KIAA1328: variants seen among roughly 807,000 people sequenced by gnomAD.
KIAA1328 encodes the protein protein hinderin.
KIAA1328 carries 52 observed loss-of-function variants against 68.1 expected under a neutral mutation model. The observed-to-expected ratio is 0.76, with a 90% CI of 0.61 to 0.96. The LOEUF (loss-of-function observed/expected upper bound fraction) is 0.96. Ranked by LOEUF, KIAA1328 falls within the 40% of genes least tolerant of loss-of-function variation. The pLI, the probability that KIAA1328 is intolerant of heterozygous loss-of-function variation, is 0.00. For synonymous variants in KIAA1328, 232 were observed against 239.4 expected, an observed-to-expected ratio of 0.97 and a Z score of 0.28; for missense variants, 641 against 677.6, an observed-to-expected ratio of 0.95 and a Z score of 0.60.
intron 6 of KIAA1328, among the ~76,000 whole-genome samples, chr18:37,025,627 G>A (rs2151551649): frequency 6.6e-6 from 1 of 152,196 alleles, no homozygotes; most frequent in Non-Finnish European, 1.5e-5. Context: ...ATGACTACTG[G>A]GTACATAACG....
intron 7 of KIAA1328, among the ~76,000 whole-genome samples, chr18:37,070,800 ACTG>A (rs2056498800): frequency 6.6e-6 from 1 of 151,946 alleles, no homozygotes; most frequent in Non-Finnish European, 1.5e-5. Context: ...CTGGTCTCGA[ACTG>A]CTAACCTCAG....
chr18:36,854,260 C>T (rs781015614), intron 4 of KIAA1328, among the ~76,000 whole-genome samples: 1 of 152,192 alleles, frequency 6.6e-6, no homozygotes, highest in Non-Finnish European at 1.5e-5. Flanking sequence ...TGATCTTGGA[C>T]TTCTAGCCTC....
intron 7 of KIAA1328, among the ~76,000 whole-genome samples, chr18:37,126,223 C>G (rs1159077224): frequency 6.6e-6 from 1 of 152,122 alleles, no homozygotes; most frequent in East Asian, 1.9e-4. Context: ...CCCAAAATAT[C>G]TCATATGTAT....
At chr18:36,902,329 C>G (rs2049067528) in intron 5 of KIAA1328, 1 of 151,978 alleles carries the variant, frequency 6.6e-6, no homozygotes, top group Admixed American at 6.6e-5. Flanking sequence ...CAAAAAATAC[C>G]ATTTACATTT....
Position 37,222,751 on chromosome 18 carries a change from C to G in KIAA1328, c.*524C>G. 1 of 994,252 alleles carries G rather than the reference C, an allele frequency of 1.0e-6. No individual in the cohort carries two copies. The highest frequency in any genetic ancestry group is 1.2e-6 in the Non-Finnish European group (1 of 835,726). The allele number at this position is 994,252 out of a possible 1,614,324, so 61.6% of individuals were successfully genotyped here. A position where few individuals can be genotyped will look rare whatever the true frequency, so the allele number is the denominator to read the frequency against. On this transcript the variant is annotated 3_prime_UTR_variant, in exon 10 of 10. Transcript: ENST00000280020. ...AATTCTGAAGTTGGAGTTGGTGCCC[C>G]TGCCATCACAAACAACACGAGAGCC...
intron 7 of KIAA1328, among the ~76,000 whole-genome samples, chr18:37,105,788 G>A (rs952236201): frequency 6.6e-6 from 1 of 151,020 alleles, no homozygotes; most frequent in Non-Finnish European, 1.5e-5. Flanking sequence ...TTGGTGGCAG[G>A]CACCTGTAAT....
chr18:37,044,671 C>A (rs541451561), intron 6 of KIAA1328, among the ~76,000 whole-genome samples: 1 of 151,826 alleles, frequency 6.6e-6, no homozygotes, highest in African/African-American at 2.4e-5. Flanking sequence ...ATGGTGGCAA[C>A]ACACCTGTAA....
chr18:36,838,921 G>A (rs1416223450), intron 3 of KIAA1328, among the ~76,000 whole-genome samples: 1 of 152,150 alleles, frequency 6.6e-6, no homozygotes, highest in Non-Finnish European at 1.5e-5. Flanking sequence ...TTTTAGTAGA[G>A]ATGGGGTTTC....
intron 7 of KIAA1328, among the ~76,000 whole-genome samples, chr18:37,071,454 A>T (rs750713179): frequency 5.5e-4 from 83 of 152,150 alleles, no homozygotes; most frequent in Non-Finnish European, 9.3e-4. Context: ...CCAACTGTGG[A>T]TTGAAAATAG....
downstream of KIAA1328, among the ~76,000 whole-genome samples, chr18:37,228,664 A>G (rs1423059444): frequency 1.3e-5 from 2 of 152,122 alleles, no homozygotes; most frequent in East Asian, 1.9e-4. Flanking sequence ...ACTAAAAAAT[A>G]TAAAAATCAG....
chr18:36,887,095 A>C lies in KIAA1328; in HGVS notation c.448+1423A>C, dbSNP rs557451351. ...TTTCTACATCTCTAGCATTTGGATA[A>C]TCATCTCCAACTTTCTCTTTTTTTT... is the stretch of plus-strand genomic sequence containing the variant. On this transcript the variant is annotated intron_variant, in intron 5 of 9. Coordinates refer to ENST00000280020, the MANE Select transcript of KIAA1328 (RefSeq NM_020776.3). Among the ~76,000 whole-genome samples the C allele has an allele frequency of 2.0e-5, 3 of 149,928 alleles. No homozygotes were observed. In the South Asian group the frequency reaches 6.3e-4, roughly 31 times the overall value.
Position 37,114,366 on chromosome 18 carries a change from C to T in KIAA1328, c.1233-45834C>T, listed in dbSNP as rs535284105. On this transcript the variant is annotated intron_variant, in intron 7 of 9. Coordinates refer to ENST00000280020, the MANE Select transcript of KIAA1328 (RefSeq NM_020776.3). The stretch of plus-strand genomic sequence containing the variant: ...CAGGATTAAGAAACTCATTCAAAAC[C>T]GCTCAACTACATGGAAACTGAACAA... Among the ~76,000 whole-genome samples the T allele has an allele frequency of 1.4e-4, 22 of 152,284 alleles. No individual in the cohort carries two copies. In the East Asian group the frequency reaches 3.5e-3, roughly 24 times the overall value.
chr18:36,949,930 A>G (rs1045189390), intron 5 of KIAA1328, among the ~76,000 whole-genome samples: 1 of 152,238 alleles, frequency 6.6e-6, no homozygotes, highest in African/African-American at 2.4e-5. Context: ...AGTTAAATGG[A>G]AGATTTCAGA....
intron 6 of KIAA1328, among the ~76,000 whole-genome samples, chr18:36,964,380 T>G (rs2051827425): frequency 1.3e-5 from 2 of 152,222 alleles, no homozygotes; most frequent in Non-Finnish European, 2.9e-5. Flanking sequence ...CAGCAGATTG[T>G]TTTTCATGAG....
intron 9 of KIAA1328, among the ~76,000 whole-genome samples, chr18:37,218,682 T>A (rs532585510): frequency 6.6e-6 from 1 of 152,340 alleles, no homozygotes; most frequent in South Asian, 2.1e-4. Context: ...TAAGGTCTTC[T>A]CTACACTGTT....
At chr18:36,996,556 A>G (rs560230850) in intron 6 of KIAA1328, among the ~76,000 whole-genome samples, 1 of 152,160 alleles carries the variant, frequency 6.6e-6, no homozygotes, top group Non-Finnish European at 1.5e-5. Flanking sequence ...CTCTGAGAAG[A>G]TAATGTGAAA....
chr18:36,996,142 C>T (rs1276385759), intron 6 of KIAA1328, among the ~76,000 whole-genome samples: 1 of 152,184 alleles, frequency 6.6e-6, no homozygotes, highest in Non-Finnish European at 1.5e-5. Flanking sequence ...CTCCTCAAAC[C>T]TGACTCTAAA....
intron 4 of KIAA1328, among the ~76,000 whole-genome samples, chr18:36,849,763 C>T (rs1028884375): frequency 2.6e-5 from 4 of 152,064 alleles, no homozygotes; most frequent in East Asian, 1.9e-4. Flanking sequence ...GGTAATTCCA[C>T]GTTGAACTTT....
chr18:36,961,103 C>G (rs558337583), intron 6 of KIAA1328, among the ~76,000 whole-genome samples: 2 of 151,980 alleles, frequency 1.3e-5, no homozygotes, highest in Non-Finnish European at 2.9e-5. Context: ...AGAATAAACA[C>G]GGTAGAGAAG....
Sources: gnomAD v4.1 joint callset for allele counts (sites outside exome capture counted in the v4.1 genomes callset) on GRCh38, gnomAD v4.1.1 for gene constraint, MANE v1.5 for transcripts, NCBI Gene and HGNC (gene_info 2026-07-23, HGNC 2026-07-21) for gene names.